Variants in TYW5 observed in about 807,000 individuals in gnomAD.
TYW5 encodes tRNA wybutosine-synthesizing protein 5.
TYW5 carries 36 observed loss-of-function variants against 44.4 expected under a neutral mutation model. The ratio of observed to expected loss-of-function variants is 0.81; its 90% CI spans 0.62 to 1.07. TYW5 has a LOEUF of 1.07. TYW5 is among the 50% of genes least tolerant of loss of function. The pLI is 0.00. For synonymous variants in TYW5, 121 were observed against 128.1 expected (o/e 0.94, Z 0.37); for missense variants, 354 against 365.7 (o/e 0.97, Z 0.26).
chr2:199,948,306 A>T lies in TYW5; in HGVS notation c.233+12T>A. 4 of 1,613,910 alleles carry T rather than the reference A, an allele frequency of 2.5e-6. No homozygotes were observed. Among genetic ancestry groups the T allele is most frequent in the Non-Finnish European group, 3.4e-6 (4 of 1,179,870 alleles). On this transcript the variant is annotated intron_variant, in intron 2 of 7. Coordinates refer to ENST00000354611, the MANE Select transcript of TYW5 (RefSeq NM_001039693.3). ...TATTTGTATCCCCAGAGTAAACCTC[A>T]GAAGAAAATACCTATATACAAAGTT...
chr2:199,933,401 G>A (rs1344545987), intron 7 of TYW5, 78 bp from the exon 8 acceptor site: 10 of 1,211,838 alleles, frequency 8.3e-6, no homozygotes, highest in South Asian at 3.0e-5. Context: ...GAAATATCAC[G>A]AATTGCATAT....
intron 5 of TYW5, among the ~76,000 whole-genome samples, chr2:199,938,655 GA>G (rs898248025): frequency 4.0e-5 from 6 of 150,280 alleles, no homozygotes; most frequent in Non-Finnish European, 7.4e-5. Context: ...TTTTCACATG[GA>G]AAAAAAAATC....
chr2:199,953,952 C>T (rs920501904), intron 1 of TYW5, among the ~76,000 whole-genome samples: 1 of 152,176 alleles, frequency 6.6e-6, no homozygotes, highest in Non-Finnish European at 1.5e-5. Context: ...AGGCAACTTA[C>T]GTCTAGCACA....
chr2:199,941,469 C>T (rs2077464228), intron 3 of TYW5, among the ~76,000 whole-genome samples: 1 of 152,116 alleles, frequency 6.6e-6, no homozygotes, highest in Non-Finnish European at 1.5e-5. Context: ...CTGCCTCTTT[C>T]ACCCAACACT....
Position 199,933,190 on chromosome 2 carries a change from A to C in TYW5, c.825T>G (p.Ala275=). 1 of 1,614,146 alleles carries C rather than the reference A, an allele frequency of 6.2e-7. No homozygotes were observed. The highest frequency in any genetic ancestry group is 1.3e-5 in the African/African-American group (1 of 75,030). ...TCAAGGCTCTGTCCAGAATTTGTGC[A>C]GCTCTTGATGCTGCTGTAGGATCTT... ...GNKDPTAASR[A]AQILDRALKT... The change falls in exon 8 of 8, where the codon GCT becomes GCG. Residue 275 remains alanine (A), a synonymous_variant. Transcript: ENST00000354611.
intron 2 of TYW5, chr2:199,944,744 A>G (rs2077491101): frequency 6.6e-6 from 1 of 152,170 alleles, no homozygotes; most frequent in Non-Finnish European, 1.5e-5. Flanking sequence ...TTACTACTAA[A>G]TATCTTCCCA....
rs1479527479 is a variant in TYW5 at position 199,929,625 on chromosome 2, G to A, written c.*3442C>T. Among the ~76,000 whole-genome samples, 2 of 148,074 alleles carry A rather than the reference G, an allele frequency of 1.4e-5. No individual in the cohort carries two copies. Among genetic ancestry groups the A allele is most frequent in the East Asian group, 2.0e-4 (1 of 5,040 alleles). On this transcript the variant is annotated 3_prime_UTR_variant, in exon 8 of 8. Transcript: ENST00000354611. ...ACTTTTTATAGGTGATAGAAAAGCC[G>A]CCTTACTAAGGTTCTTTCCAAATGT...
intron 3 of TYW5, among the ~76,000 whole-genome samples, chr2:199,940,983 C>T (rs1289700740): frequency 6.6e-6 from 1 of 152,126 alleles, no homozygotes; most frequent in African/African-American, 2.4e-5. Context: ...AGATTCAGCT[C>T]ATGTATGAAT....
chr2:199,933,090 C>T lies in TYW5; in HGVS notation c.925G>A (p.Ala309Thr). ...RRMVLHIQDK[A>T]YSKNSE The stretch of plus-strand genomic sequence containing the variant: ...ATTTACTCAGAGTTCTTGCTGTAGG[C>T]TTTGTCTTGAATGTGTAGGACCATT... Residue 309 changes from alanine to threonine, a missense_variant, in exon 8 of 8, where the codon GCC (alanine) becomes ACC (threonine). Physicochemically the swap from Ala to Thr is moderately conservative, Grantham distance 58 (BLOSUM62 0). Coordinates refer to ENST00000354611, the MANE Select transcript of TYW5 (RefSeq NM_001039693.3). The T allele has an allele frequency of 6.2e-7, 1 of 1,614,006 alleles. No homozygotes were observed. The highest frequency in any genetic ancestry group is 8.5e-7 in the Non-Finnish European group (1 of 1,179,986).
Position 199,953,652 on chromosome 2 carries a change from G to A in TYW5, c.78+1741C>T, listed in dbSNP as rs2105716604. 1.3e-5 allele frequency among the ~76,000 whole-genome samples: 2 copies of A among 152,258 alleles called. 1 individual carries two copies. The highest frequency in any genetic ancestry group is 4.1e-4 in the South Asian group (2 of 4,822). Reference sequence around the variant, plus strand: ...TATTCATGTACCTGTACAATATACAGTGTTAATTATGGAGTTATTAGAAAA... The same window carrying A: ...TATTCATGTACCTGTACAATATACAATGTTAATTATGGAGTTATTAGAAAA... On this transcript the variant is annotated intron_variant, in intron 1 of 7. Transcript: ENST00000354611.
chr2:199,939,456 AT>A (rs1222349558), intron 4 of TYW5, among the ~76,000 whole-genome samples: 1 of 152,174 alleles, frequency 6.6e-6, no homozygotes, highest in East Asian at 1.9e-4. Flanking sequence ...AAGACTGCAG[AT>A]TTTATAGTAT....
intron 1 of TYW5, among the ~76,000 whole-genome samples, chr2:199,950,831 T>C (rs1339811385): frequency 6.6e-6 from 1 of 152,112 alleles, no homozygotes; most frequent in Non-Finnish European, 1.5e-5. Context: ...AAAACAAAAA[T>C]TTGTAAAGCA....
chr2:199,954,665 T>A (rs1208377498), intron 1 of TYW5, among the ~76,000 whole-genome samples: 2 of 152,118 alleles, frequency 1.3e-5, no homozygotes, highest in African/African-American at 4.8e-5. Flanking sequence ...CCTCCGGTGA[T>A]CCGTCCGCCT....
chr2:199,955,169 T>C, intron 1 of TYW5: 1 of 531,348 alleles, frequency 1.9e-6, no homozygotes, highest in South Asian at 3.0e-5. Context: ...GCCATCATCT[T>C]GCTCCCCAGA....
At chr2:199,940,212 T>C (rs2077452950) in intron 3 of TYW5, 79 bp from the exon 4 acceptor site, 1 of 1,252,922 alleles carries the variant, frequency 8.0e-7, no homozygotes, top group East Asian at 2.3e-5. Context: ...TGTATAGCTA[T>C]CATGTATTCA....
intron 5 of TYW5, 81 bp from the exon 6 acceptor site, chr2:199,936,573 G>T: frequency 1.8e-6 from 2 of 1,127,930 alleles, no homozygotes; most frequent in Non-Finnish European, 2.6e-6. Flanking sequence ...AACTTTAACT[G>T]CAAACCCGAT....
chr2:199,955,145 G>C (rs2077585526), intron 1 of TYW5, among the ~76,000 whole-genome samples: 1 of 152,130 alleles, frequency 6.6e-6, no homozygotes, highest in Non-Finnish European at 1.5e-5. Context: ...AATACCTCTC[G>C]CACTCAGCTC....
intron 5 of TYW5, 89 bp downstream of exon 5, chr2:199,938,844 G>A (rs2077441634): frequency 7.5e-7 from 1 of 1,340,260 alleles, no homozygotes; most frequent in South Asian, 1.7e-5. Flanking sequence ...GATGTTTAGG[G>A]TAACCTATAG....
chr2:199,933,249 C>T lies in TYW5; in HGVS notation c.766G>A (p.Glu256Lys), dbSNP rs2105687867. The T allele has an allele frequency of 6.2e-7, 1 of 1,614,050 alleles. No homozygotes were observed. The highest frequency in any genetic ancestry group is 2.2e-5 in the East Asian group (1 of 44,864). Residue 256 changes from glutamate to lysine, a missense_variant, in exon 8 of 8, where the codon GAA (glutamate) becomes AAA (lysine). Transcript: ENST00000354611. ...VNIFWKHLPS[E>K]CYDKTDTYGN... ...TAGGTATCTGTTTTATCATAGCATT[C>T]AGATGGAAGGTGCTTCCAAAAGATA...
Sources: gnomAD v4.1 joint callset for allele counts (sites outside exome capture counted in the v4.1 genomes callset) on GRCh38, gnomAD v4.1.1 for gene constraint, MANE v1.5 for transcripts, NCBI Gene and HGNC (gene_info 2026-07-23, HGNC 2026-07-21) for gene names.